The following RPS6KA5 variants were observed in gnomAD, a reference collection of about 807,000 sequenced individuals.
RPS6KA5 encodes the protein ribosomal protein S6 kinase A5.
RPS6KA5 carries 27 observed loss-of-function variants against 85.5 expected under a neutral mutation model. The ratio of observed to expected loss-of-function variants is 0.32; its 90% confidence interval spans 0.23 to 0.44. The LOEUF (loss-of-function observed/expected upper bound fraction) is 0.44, where lower values mean the gene tolerates loss of function less well. Among genes scored for constraint, RPS6KA5 ranks in the 20% least tolerant of loss-of-function variants. The pLI is 1.00. For missense variants in RPS6KA5, 811 were observed against 980.9 expected, an observed-to-expected ratio of 0.83 and a Z score of 2.31; for synonymous variants, 334 against 348.2, an observed-to-expected ratio of 0.96 and a Z score of 0.46.
chr14:91,005,573 TAAG>T (rs1277819638), intron 1 of RPS6KA5, among the ~76,000 whole-genome samples: 1 of 152,168 alleles, frequency 6.6e-6, no homozygotes, highest in Non-Finnish European at 1.5e-5. Flanking sequence ...ACAAAACACA[TAAG>T]AAGAAATGGT....
intron 1 of RPS6KA5, among the ~76,000 whole-genome samples, chr14:91,020,508 A>C (rs2041702788): frequency 6.8e-6 from 1 of 146,996 alleles, no homozygotes; most frequent in African/African-American, 2.5e-5. Flanking sequence ...TCCTGAAACC[A>C]ATCTCCTATG....
chr14:91,003,131 G>A (rs983314907), intron 1 of RPS6KA5, among the ~76,000 whole-genome samples: 11 of 151,942 alleles, frequency 7.2e-5, no homozygotes, highest in African/African-American at 2.7e-4. Context: ...GATTATTAAA[G>A]AGTCATGTGT....
chr14:90,981,200 A>G (rs1439193673), intron 2 of RPS6KA5, among the ~76,000 whole-genome samples: 1 of 152,254 alleles, frequency 6.6e-6, no homozygotes, highest in African/African-American at 2.4e-5. Context: ...ATTGACTGGA[A>G]GCAGGCCATT....
intron 7 of RPS6KA5, among the ~76,000 whole-genome samples, chr14:90,915,298 C>T (rs1230410218): frequency 6.6e-6 from 1 of 152,078 alleles, no homozygotes; most frequent in African/African-American, 2.4e-5. Flanking sequence ...GTGGGTTGGA[C>T]CTAGTGCCTT....
intron 1 of RPS6KA5, among the ~76,000 whole-genome samples, chr14:91,055,920 A>T (rs2043295770): frequency 6.6e-6 from 1 of 152,242 alleles, no homozygotes; most frequent in African/African-American, 2.4e-5. Context: ...ACCTGCCAAC[A>T]TGTGAGTAAG....
chr14:91,032,169 A>G (rs2042211960), intron 1 of RPS6KA5, among the ~76,000 whole-genome samples: 1 of 152,206 alleles, frequency 6.6e-6, no homozygotes, highest in Non-Finnish European at 1.5e-5. Context: ...AAAATTCAAC[A>G]TACAGAAAAG....
intron 3 of RPS6KA5, among the ~76,000 whole-genome samples, chr14:90,965,340 C>T (rs2039005702): frequency 6.6e-6 from 1 of 152,134 alleles, no homozygotes; most frequent in African/African-American, 2.4e-5. Flanking sequence ...CACCATGGCA[C>T]TACAGCCTGA....
chr14:90,930,242 A>C (rs2036901265), intron 5 of RPS6KA5, among the ~76,000 whole-genome samples: 1 of 152,218 alleles, frequency 6.6e-6, no homozygotes, highest in Non-Finnish European at 1.5e-5. Context: ...TTCAATGAAG[A>C]GCCTAAAAAC....
At chr14:90,877,916 C>T (rs1027797096) in intron 14 of RPS6KA5, among the ~76,000 whole-genome samples, 1 of 152,220 alleles carries the variant, frequency 6.6e-6, no homozygotes, top group Non-Finnish European at 1.5e-5. Flanking sequence ...ATACATTTAA[C>T]ATACCTAGTA....
At chr14:91,025,083 C>T (rs553750059) in intron 1 of RPS6KA5, among the ~76,000 whole-genome samples, 5 of 152,030 alleles carry the variant, frequency 3.3e-5, no homozygotes, top group South Asian at 4.2e-4. Flanking sequence ...CTCATTCAGT[C>T]GCCCAGGCTG....
chr14:90,998,234 T>TA (rs1009261524), intron 2 of RPS6KA5, among the ~76,000 whole-genome samples: 72 of 152,266 alleles, frequency 4.7e-4, no homozygotes, highest in African/African-American at 1.6e-3. Context: ...CATTAATAGC[T>TA]AAAGGGTTCA....
chr14:91,054,909 G>C (rs2043251230), intron 1 of RPS6KA5, among the ~76,000 whole-genome samples: 1 of 151,892 alleles, frequency 6.6e-6, no homozygotes. Flanking sequence ...TTCCTGATAA[G>C]AGACATGTAC....
intron 9 of RPS6KA5, 99 bp from the exon 10 acceptor site, chr14:90,900,835 C>T: frequency 1.0e-6 from 1 of 986,056 alleles, no homozygotes; most frequent in Non-Finnish European, 1.4e-6. Context: ...GAAAAACACT[C>T]AAATATTTGT....
At chr14:91,020,589 T>G (rs933722565) in intron 1 of RPS6KA5, among the ~76,000 whole-genome samples, 34 of 141,404 alleles carry the variant, frequency 2.4e-4, no homozygotes, top group African/African-American at 7.4e-4. Flanking sequence ...TGTGTTTATA[T>G]GTGTATGTGT....
chr14:90,972,331 T>C (rs2039361455), intron 3 of RPS6KA5, among the ~76,000 whole-genome samples: 1 of 151,982 alleles, frequency 6.6e-6, no homozygotes, highest in Non-Finnish European at 1.5e-5. Flanking sequence ...CAATGAAAGA[T>C]CAGGGGCAGA....
intron 14 of RPS6KA5, among the ~76,000 whole-genome samples, chr14:90,888,713 T>G (rs1027123103): frequency 6.6e-6 from 1 of 152,168 alleles, no homozygotes; most frequent in Admixed American, 6.5e-5. Flanking sequence ...TTCATAAACT[T>G]GCGGTGGGCA....
intron 3 of RPS6KA5, among the ~76,000 whole-genome samples, chr14:90,972,888 AAG>A (rs1480800149): frequency 6.6e-6 from 1 of 152,220 alleles, no homozygotes; most frequent in African/African-American, 2.4e-5. Context: ...AGAGGAAAAA[AAG>A]AGGCAAAGGG....
intron 3 of RPS6KA5, among the ~76,000 whole-genome samples, chr14:90,970,446 T>A (rs1357882610): frequency 6.6e-6 from 1 of 152,208 alleles, no homozygotes; most frequent in East Asian, 1.9e-4. Context: ...TGACTCATGA[T>A]CACAAAACTG....
At chr14:90,912,276 T>C (rs571296306) in intron 7 of RPS6KA5, among the ~76,000 whole-genome samples, 23 of 152,364 alleles carry the variant, frequency 1.5e-4, no homozygotes, top group Middle Eastern at 6.8e-3. Flanking sequence ...AATAGTCCAC[T>C]GATTAATGAA....
Sources: gnomAD v4.1 joint callset for allele counts (sites outside exome capture counted in the v4.1 genomes callset) on GRCh38, gnomAD v4.1.1 for gene constraint, MANE v1.5 for transcripts, NCBI Gene and HGNC (gene_info 2026-07-23, HGNC 2026-07-21) for gene names.